Variants in MAF observed in about 807,000 individuals in gnomAD.
MAF encodes transcription factor Maf.
A neutral mutation model predicts 22.0 loss-of-function variants in MAF; 10 were observed. The ratio of observed to expected loss-of-function variants is 0.45; its 90% CI spans 0.28 to 0.77. The LOEUF (loss-of-function observed/expected upper bound fraction) is 0.77. Among genes scored for constraint, MAF ranks in the 30% least tolerant of loss-of-function variants. The probability of loss-of-function intolerance (pLI) is 0.12; values close to 1 mark genes in which losing one functional copy is unlikely to be tolerated. For synonymous variants in MAF, 337 were observed against 255.8 expected (o/e 1.32, Z -3.03); for missense variants, 544 against 548.4 (o/e 0.99, Z 0.08).
chr16:79,464,140 T>C, the MAF span, among the ~76,000 whole-genome samples: 2 of 152,288 alleles, frequency 1.3e-5, no homozygotes, highest in East Asian at 3.9e-4. Flanking sequence ...AACAAGGTCT[T>C]AAGGCTGGAA....
chr16:79,442,413 C>G, the MAF span, among the ~76,000 whole-genome samples: 4 of 151,978 alleles, frequency 2.6e-5, no homozygotes, highest in Admixed American at 2.6e-4. Context: ...CCTCTGTTGC[C>G]CAGGCTGGAA....
At chr16:79,242,821 A>G in the MAF span, among the ~76,000 whole-genome samples, 1 of 152,062 alleles carries the variant, frequency 6.6e-6, no homozygotes, top group Non-Finnish European at 1.5e-5. Context: ...ACTCCTCAGC[A>G]AATGCAAAAT....
the MAF span, among the ~76,000 whole-genome samples, chr16:79,501,714 T>G: frequency 6.6e-6 from 1 of 152,182 alleles, no homozygotes; most frequent in African/African-American, 2.4e-5. Flanking sequence ...TCACTTTGAT[T>G]TACACGGCAT....
the MAF span, among the ~76,000 whole-genome samples, chr16:79,321,102 T>TGCAAGA: frequency 6.6e-6 from 1 of 152,240 alleles, no homozygotes; most frequent in African/African-American, 2.4e-5. Context: ...TACTCAGTGA[T>TGCAAGA]GCAAGGCACA....
the MAF span, among the ~76,000 whole-genome samples, chr16:79,325,085 G>A: frequency 2.0e-5 from 3 of 152,016 alleles, no homozygotes; most frequent in African/African-American, 7.3e-5. Flanking sequence ...AACCCAATCC[G>A]GGATGGTCTC....
At chr16:79,475,478 A>G in the MAF span, among the ~76,000 whole-genome samples, 1 of 151,892 alleles carries the variant, frequency 6.6e-6, no homozygotes, top group Admixed American at 6.6e-5. Context: ...ATCCATGTAC[A>G]CTTTATATAT....
the MAF span, among the ~76,000 whole-genome samples, chr16:79,213,945 C>G: frequency 1.2e-3 from 190 of 152,288 alleles, no homozygotes; most frequent in African/African-American, 4.1e-3. Context: ...CTAATCTCAA[C>G]TTCCAGCACT....
chr16:79,206,974 C>A, the MAF span, among the ~76,000 whole-genome samples: 1 of 152,050 alleles, frequency 6.6e-6, no homozygotes, highest in Non-Finnish European at 1.5e-5. Flanking sequence ...GAGATTGAAG[C>A]TGTAATTGTT....
At chr16:79,513,119 GCTCACACT>G in the MAF span, among the ~76,000 whole-genome samples, 1 of 152,222 alleles carries the variant, frequency 6.6e-6, no homozygotes, top group South Asian at 2.1e-4. Flanking sequence ...GGGTGTGCAA[GCTCACACT>G]CTCACACTGG....
At chr16:79,204,171 A>G in the MAF span, 3 of 152,174 alleles carry the variant, frequency 2.0e-5, no homozygotes, top group Non-Finnish European at 2.9e-5. Flanking sequence ...CCTATTCATA[A>G]AGAAACTGTA....
the MAF span, among the ~76,000 whole-genome samples, chr16:79,342,194 T>C: frequency 6.6e-6 from 1 of 152,132 alleles, no homozygotes; most frequent in African/African-American, 2.4e-5. Context: ...GGGGTCCCAA[T>C]CAGCTCTCTC....
the MAF span, among the ~76,000 whole-genome samples, chr16:79,374,503 C>G: frequency 6.6e-6 from 1 of 152,178 alleles, no homozygotes; most frequent in African/African-American, 2.4e-5. Flanking sequence ...TTACTTCTTG[C>G]AAGAACCCCT....
At chr16:79,258,784 G>T in the MAF span, among the ~76,000 whole-genome samples, 2 of 152,138 alleles carry the variant, frequency 1.3e-5, no homozygotes, top group African/African-American at 4.8e-5. Flanking sequence ...AACCCTGTTG[G>T]CAAGTATAGT....
chr16:79,277,072 C>G, the MAF span, among the ~76,000 whole-genome samples: 1 of 152,166 alleles, frequency 6.6e-6, no homozygotes, highest in African/African-American at 2.4e-5. Context: ...CGGTCTCACT[C>G]TGTGCCCCAG....
Position 79,600,334 on chromosome 16 carries a change from C to T in MAF, c.-432G>A, listed in dbSNP as rs1913954439. 1.0e-5 allele frequency: 2 copies of T among 200,678 alleles called. No homozygotes were observed. The highest frequency in any genetic ancestry group is 2.2e-5 in the Non-Finnish European group (2 of 89,164). 12.4% of individuals were successfully genotyped at this position (200,678 alleles called of 1,614,324 possible). A position where few individuals can be genotyped will look rare whatever the true frequency, so the allele number is the denominator to read the frequency against. The stretch of plus-strand genomic sequence containing the variant: ...GCGCTTTGCATAAGGAAGGGCTCGC[C>T]TCGCCGGCCCGGGCTGCAGGCAGGG... On this transcript the variant is annotated 5_prime_UTR_variant, in exon 1 of 2. Transcript: ENST00000326043.
the MAF span, among the ~76,000 whole-genome samples, chr16:79,314,919 G>C: frequency 6.6e-6 from 1 of 152,132 alleles, no homozygotes; most frequent in Admixed American, 6.6e-5. Context: ...CCCATTGCAG[G>C]AAGTGACCTC....
At chr16:79,551,747 G>A in the MAF span, among the ~76,000 whole-genome samples, 1 of 152,170 alleles carries the variant, frequency 6.6e-6, no homozygotes, top group Non-Finnish European at 1.5e-5. Flanking sequence ...TCAAATTTTA[G>A]CGTCCATAAA....
the MAF span, among the ~76,000 whole-genome samples, chr16:79,271,088 T>TTTTG: frequency 0.15 from 21,730 of 142,450 alleles, 1,696 homozygotes; most frequent in Middle Eastern, 0.27. Context: ...TTTTTATTTT[T>TTTTG]TATTTTTAGT....
the MAF span, among the ~76,000 whole-genome samples, chr16:79,456,184 C>A: frequency 6.6e-6 from 1 of 152,108 alleles, no homozygotes; most frequent in African/African-American, 2.4e-5. Context: ...TGCATCCACC[C>A]CGCACAGAGC....
Sources: gnomAD v4.1 joint callset for allele counts (sites outside exome capture counted in the v4.1 genomes callset) on GRCh38, gnomAD v4.1.1 for gene constraint, MANE v1.5 for transcripts, NCBI Gene and HGNC (gene_info 2026-07-23, HGNC 2026-07-21) for gene names.